Variants in SMC5 observed in about 807,000 individuals in gnomAD.
SMC5 encodes structural maintenance of chromosomes protein 5.
Under a neutral mutation model 148.3 loss-of-function variants are expected in SMC5, and 88 were observed. The observed-to-expected ratio is 0.59, with a 90% CI of 0.50 to 0.71. The LOEUF is 0.71. Among genes scored for constraint, SMC5 ranks in the 30% least tolerant of loss-of-function variants. The pLI is 0.00. For synonymous variants in SMC5, 421 were observed against 432.8 expected, an observed-to-expected ratio of 0.97 and a Z score of 0.34; for missense variants, 1,142 against 1,298.9, an observed-to-expected ratio of 0.88 and a Z score of 1.86.
intron 20 of SMC5, 45 bp downstream of exon 20, chr9:70,347,206 C>T (rs1006875810): frequency 4.0e-6 from 6 of 1,489,410 alleles, no homozygotes; most frequent in Non-Finnish European, 5.6e-6. Context: ...ACCACCACCA[C>T]CACCCTCCCC....
intron 10 of SMC5, among the ~76,000 whole-genome samples, chr9:70,300,735 G>T (rs1446166740): frequency 6.6e-6 from 1 of 152,110 alleles, no homozygotes; most frequent in Non-Finnish European, 1.5e-5. Context: ...AAATCGTCTA[G>T]TGAAGTGTGG....
At chr9:70,271,624 G>A (rs528409207) in intron 3 of SMC5, among the ~76,000 whole-genome samples, 12 of 152,302 alleles carry the variant, frequency 7.9e-5, no homozygotes, top group African/African-American at 2.6e-4. Flanking sequence ...ATGTTAGGTG[G>A]TGATAAGTGC....
intron 15 of SMC5, among the ~76,000 whole-genome samples, chr9:70,320,887 T>C (rs2035925769): frequency 6.6e-6 from 1 of 152,244 alleles, no homozygotes; most frequent in Admixed American, 6.5e-5. Context: ...TAGTATACTT[T>C]GGTGCACTAG....
rs1319763167 is a variant in SMC5 at position 70,353,900 on chromosome 9, A to G, written c.*1569A>G. The G allele has an allele frequency of 1.3e-5, 2 of 152,262 alleles. 1 individual carries two copies. Among genetic ancestry groups the G allele is most frequent in the Non-Finnish European group, 2.9e-5 (2 of 68,036 alleles). 9.4% of individuals were successfully genotyped at this position (152,262 alleles called of 1,614,324 possible). A position where few individuals can be genotyped will look rare whatever the true frequency, so the allele number is the denominator to read the frequency against. On this transcript the variant is annotated 3_prime_UTR_variant, in exon 25 of 25. Coordinates refer to ENST00000361138, the MANE Select transcript of SMC5 (RefSeq NM_015110.4). The stretch of plus-strand genomic sequence containing the variant: ...TGCGTTCCACCAAAATATCTTTACT[A>G]AAATGTGCTTGGTGTAGTTTGTTTA...
chr9:70,340,374 ATTAGT>A (rs1308817872), intron 17 of SMC5, among the ~76,000 whole-genome samples: 1 of 152,052 alleles, frequency 6.6e-6, no homozygotes, highest in Non-Finnish European at 1.5e-5. Flanking sequence ...TTATGATTAA[ATTAGT>A]TTAAGTAGAA....
intron 11 of SMC5, chr9:70,312,233 T>C (rs961918112): frequency 2.6e-5 from 4 of 150,954 alleles, no homozygotes; most frequent in Non-Finnish European, 5.9e-5. Flanking sequence ...AGGAAGCTTA[T>C]ACAATCATGG....
rs1326782046 is a variant in SMC5 at position 70,271,527 on chromosome 9, A to T, written c.380+3552A>T. On this transcript the variant is annotated intron_variant, in intron 3 of 24. Transcript: ENST00000361138. ...GTAGTCATTTTCCAAATATTTATTGAGTACCTATACATTGGGGATACTCTT... is the reference window on the plus strand; with the variant it reads ...GTAGTCATTTTCCAAATATTTATTGTGTACCTATACATTGGGGATACTCTT... Among the ~76,000 whole-genome samples the T allele has an allele frequency of 2.6e-5, 4 of 152,210 alleles. No homozygotes were observed. In the East Asian group the frequency reaches 7.7e-4, roughly 29 times the overall value.
intron 12 of SMC5, 58 bp downstream of exon 12, chr9:70,314,894 T>C: frequency 9.3e-7 from 1 of 1,076,616 alleles, no homozygotes; most frequent in Non-Finnish European, 1.3e-6. Context: ...CATTTATTGT[T>C]ACATAAATAA....
At chr9:70,324,481 A>G (rs2036027527) in intron 17 of SMC5, among the ~76,000 whole-genome samples, 1 of 152,170 alleles carries the variant, frequency 6.6e-6, no homozygotes, top group Admixed American at 6.5e-5. Flanking sequence ...TGAATCTCCA[A>G]AATCTTTTCC....
chr9:70,286,348 G>T, intron 8 of SMC5, 77 bp downstream of exon 8: 2 of 885,138 alleles, frequency 2.3e-6, no homozygotes, highest in Admixed American at 4.4e-5. Flanking sequence ...TTATGAGACA[G>T]ATTCTTGTTG....
chr9:70,336,310 A>G (rs2036355219), intron 17 of SMC5, among the ~76,000 whole-genome samples: 1 of 152,166 alleles, frequency 6.6e-6, no homozygotes, highest in Non-Finnish European at 1.5e-5. Context: ...TAAGAAAAAA[A>G]CAGTGTTGCT....
rs540027047 is a variant in SMC5 at position 70,324,680 on chromosome 9, G to A, written c.2397+537G>A. The stretch of plus-strand genomic sequence containing the variant: ...AAAGACCACCCTTACTTCAGACACC[G>A]TCTTCAAGTTTAGGGGTCTCCAGGT... On this transcript the variant is annotated intron_variant, in intron 17 of 24. Transcript: ENST00000361138. Among the ~76,000 whole-genome samples, 16 of 152,134 alleles carry A rather than the reference G, an allele frequency of 1.1e-4. No homozygotes were observed. In the East Asian group the frequency reaches 1.4e-3, roughly 13 times the overall value.
At chr9:70,300,006 T>A in intron 9 of SMC5, 40 bp from the exon 10 acceptor site, 1 of 1,514,308 alleles carries the variant, frequency 6.6e-7, no homozygotes, top group Non-Finnish European at 8.8e-7. Context: ...TAATTAAAAT[T>A]TTCAGAGAAA....
At chr9:70,349,784 A>G (rs1000187544) in intron 22 of SMC5, among the ~76,000 whole-genome samples, 44 of 152,222 alleles carry the variant, frequency 2.9e-4, no homozygotes, top group Admixed American at 1.2e-3. Context: ...TTTTGAGGAC[A>G]GAGTTCCTCG....
intron 12 of SMC5, 87 bp from the exon 13 acceptor site, chr9:70,315,359 C>T (rs2035769194): frequency 1.2e-6 from 1 of 815,530 alleles, no homozygotes; most frequent in African/African-American, 1.8e-5. Context: ...GTATGTTTTA[C>T]TTATTGTTTA....
In SMC5 at chr9:70,259,256, A is replaced by T; in HGVS notation, c.178A>T (p.Asn60Tyr). 1 of 1,582,356 alleles carries T rather than the reference A, an allele frequency of 6.3e-7. No homozygotes were observed. Among genetic ancestry groups the T allele is most frequent in the Non-Finnish European group, 8.6e-7 (1 of 1,163,346 alleles). ...EGSIVRISME[N>Y]FLTYDICEVS... ...CTCTATCGTCCGCATCTCGATGGAG[A>T]ACTTCCTGTAAGTTGCCCGGAGGCC... Residue 60 changes from asparagine (N) to tyrosine (Y), a missense_variant, in exon 1 of 25, where the codon AAC becomes TAC. By Grantham distance (143) the Asn-to-Tyr change is moderately radical. Coordinates refer to ENST00000361138, the MANE Select transcript of SMC5 (RefSeq NM_015110.4).
rs779437074 is a variant in SMC5, at chr9:70,347,602, T to C, written c.2665-11T>C. The C allele has an allele frequency of 3.0e-5, 43 of 1,438,990 alleles. No individual in the cohort carries two copies. The highest frequency in any genetic ancestry group is 3.9e-5 in the Non-Finnish European group (41 of 1,055,376). 89.1% of individuals were successfully genotyped at this position (1,438,990 alleles called of 1,614,324 possible). A position where few individuals can be genotyped will look rare whatever the true frequency, so the allele number is the denominator to read the frequency against. On this transcript the variant is annotated splice_polypyrimidine_tract_variant and intron_variant, in intron 20 of 24. Coordinates refer to ENST00000361138, the MANE Select transcript of SMC5 (RefSeq NM_015110.4). ...GATTTATCTTAAAGAAGTTTTTTTT[T>C]CCCCTGCCAGATTGTTCAGGAATAT...
chr9:70,286,196 A>C lies in SMC5; in HGVS notation c.982-4A>C. ...CCCCCCCTCTCCCCGGTTTAATTTTACAGGCAACAGATATTAAGGAGGCAT... is the reference window on the plus strand; with the variant it reads ...CCCCCCCTCTCCCCGGTTTAATTTTCCAGGCAACAGATATTAAGGAGGCAT... On this transcript the variant is annotated splice_region_variant and splice_polypyrimidine_tract_variant and intron_variant, in intron 7 of 24. Transcript: ENST00000361138. 9.4e-7 allele frequency: 1 copy of C among 1,063,726 alleles called. No individual in the cohort carries two copies. The highest frequency in any genetic ancestry group is 1.3e-6 in the Non-Finnish European group (1 of 767,674). The allele number at this position is 1,063,726 out of a possible 1,614,324, so 65.9% of individuals were successfully genotyped here. A position where few individuals can be genotyped will look rare whatever the true frequency, so the allele number is the denominator to read the frequency against.
chr9:70,342,812 C>G (rs1330345725), intron 17 of SMC5, among the ~76,000 whole-genome samples: 1 of 152,322 alleles, frequency 6.6e-6, no homozygotes, highest in East Asian at 1.9e-4. Flanking sequence ...TACATCCTTA[C>G]AAATTCCTCT....
Sources: gnomAD v4.1 joint callset for allele counts (sites outside exome capture counted in the v4.1 genomes callset) on GRCh38, gnomAD v4.1.1 for gene constraint, MANE v1.5 for transcripts, NCBI Gene and HGNC (gene_info 2026-07-23, HGNC 2026-07-21) for gene names.